The following LAMA2 variants were observed in gnomAD, a reference collection of about 807,000 sequenced individuals.
LAMA2 encodes the protein laminin subunit alpha 2.
In LAMA2, 269 loss-of-function variants were observed where a neutral mutation model predicts 364.8. The ratio of observed to expected loss-of-function variants is 0.74; its 90% CI spans 0.67 to 0.82. The LOEUF is 0.82. Ranked by LOEUF, LAMA2 falls within the 40% of genes least tolerant of loss-of-function variation. The pLI is 0.00. For missense variants in LAMA2, 3,807 were observed against 3,873.2 expected, an observed-to-expected ratio of 0.98 and a Z score of 0.45; for synonymous variants, 1,379 against 1,370.6, an observed-to-expected ratio of 1.01 and a Z score of -0.14.
intron 1 of LAMA2, among the ~76,000 whole-genome samples, chr6:129,045,616 T>A (rs1562184139): frequency 6.6e-6 from 1 of 152,368 alleles, no homozygotes; most frequent in East Asian, 1.9e-4. Flanking sequence ...AGCTTCAGAA[T>A]CAATGTTTCT....
chr6:129,208,868 G>A (rs1562334174), intron 12 of LAMA2, among the ~76,000 whole-genome samples: 2 of 152,138 alleles, frequency 1.3e-5, no homozygotes, highest in Admixed American at 1.3e-4. Context: ...TAATTTTTAG[G>A]GTATTTTGAT....
At chr6:128,989,418 C>T (rs995499908) in intron 1 of LAMA2, among the ~76,000 whole-genome samples, 1 of 152,140 alleles carries the variant, frequency 6.6e-6, no homozygotes, top group African/African-American at 2.4e-5. Flanking sequence ...GAATTACCTG[C>T]CTAGGCTTTG....
At chr6:129,175,243 G>A (rs1365392718) in intron 9 of LAMA2, among the ~76,000 whole-genome samples, 1 of 152,122 alleles carries the variant, frequency 6.6e-6, no homozygotes, top group Non-Finnish European at 1.5e-5. Context: ...TAAGTTAATT[G>A]CCTGTGACTC....
Position 129,291,648 on chromosome 6 carries a change from G to T in LAMA2, c.2784G>T (p.Glu928Asp). Residue 928 changes from glutamate to aspartate, a missense_variant, in exon 20 of 65, where the codon GAG (glutamate) becomes GAT (aspartate). Around this residue, in one of 3 missense-constraint regions of LAMA2, gnomAD observed 3,333 missense variants for 3,345.7 expected, o/e 1.00. Coordinates refer to ENST00000421865, the MANE Select transcript of LAMA2 (RefSeq NM_000426.4). ...GTAATGCCGGTGGCTCTTTCTCTGA[G>T]GTTTGCCACAGTCAAACTGGACAGT... Reference protein sequence around the residue: ...CRCNAGGSFSEVCHSQTGQCE... With the variant: ...CRCNAGGSFSDVCHSQTGQCE... 3 of 1,614,112 alleles carry T rather than the reference G, an allele frequency of 1.9e-6. No homozygotes were observed. The highest frequency in any genetic ancestry group is 2.5e-6 in the Non-Finnish European group (3 of 1,179,974).
chr6:129,512,425 A>T lies in LAMA2; in HGVS notation c.8920A>T (p.Thr2974Ser), dbSNP rs140202046. The change falls in exon 63 of 65, where the codon ACT becomes TCT. Residue 2974 changes from threonine (T) to serine (S), a missense_variant. Thr to Ser is a moderately conservative substitution (Grantham distance 58, BLOSUM62 1). Transcript: ENST00000421865. ...ATTTGAATTCCGCACAACTACAACG[A>T]CTGGAGTTCTTCTGGGGATCAGTAG... ...VEFEFRTTTT[T>S]GVLLGISSQK... The T allele has an allele frequency of 4.5e-5, 72 of 1,613,296 alleles. No individual in the cohort carries two copies. In the African/African-American group the frequency reaches 7.9e-4, roughly 18 times the overall value.
At chr6:129,447,152 G>A (rs1017698475) in intron 45 of LAMA2, among the ~76,000 whole-genome samples, 2 of 152,180 alleles carry the variant, frequency 1.3e-5, no homozygotes, top group African/African-American at 4.8e-5. Flanking sequence ...ACACAAAGAC[G>A]AATAAAGGAG....
At chr6:128,943,269 CAGAGAGAG>C (rs6149801) in intron 1 of LAMA2, among the ~76,000 whole-genome samples, 83,338 of 142,776 alleles carry the variant, frequency 0.58, 26,581 homozygotes, top group East Asian at 0.77. Flanking sequence ...TATATATACA[CAGAGAGAG>C]AGAGAGAGAG....
rs868192729 is a variant in LAMA2 at position 129,232,039 on chromosome 6, T to C, written c.1783-18073T>C. On this transcript the variant is annotated intron_variant, in intron 12 of 64. Coordinates refer to ENST00000421865, the MANE Select transcript of LAMA2 (RefSeq NM_000426.4). ...TAGTGATCACTTATGTCCTTTTGAT[T>C]GAAACTGCATTATACGAAGTTCTTT... Among the ~76,000 whole-genome samples the C allele has an allele frequency of 6.6e-5, 10 of 152,264 alleles. 1 individual carries two copies. The Middle Eastern group carries it at 0.01, about 155-fold the overall frequency.
chr6:129,168,899 T>C lies in LAMA2; in HGVS notation c.1306+3224T>C, dbSNP rs544185582. On this transcript the variant is annotated intron_variant, in intron 9 of 64. Transcript: ENST00000421865. ...CCTTCACATCCCTTGTAAGTTGGAT[T>C]CCTAGGTATTTTATTCTCTTTGAAG... Among the ~76,000 whole-genome samples the C allele has an allele frequency of 2.1e-4, 32 of 149,996 alleles. No homozygotes were observed. In the South Asian group the frequency reaches 6.8e-3, roughly 32 times the overall value.
Position 129,438,720 on chromosome 6 carries a change from A to C in LAMA2, c.6043A>C (p.Thr2015Pro), listed in dbSNP as rs201248317. ...TGCTAGAAATGGGGATCTCTTGAGA[A>C]CTTTGAATGACACTTTGGGAAAGTT... ...ADARNGDLLR[T>P]LNDTLGKLSA... Residue 2015 changes from threonine to proline, a missense_variant, in exon 42 of 65, where the codon ACT becomes CCT. By Grantham distance (38) the Thr-to-Pro change is conservative. Around this residue, in one of 3 missense-constraint regions of LAMA2, gnomAD observed 3,333 missense variants for 3,345.7 expected, o/e 1.00. Transcript: ENST00000421865. 1.9e-6 allele frequency: 3 copies of C among 1,607,586 alleles called. No homozygotes were observed. The Admixed American group carries it at 5.0e-5, about 27-fold the overall frequency.
intron 12 of LAMA2, among the ~76,000 whole-genome samples, chr6:129,215,949 G>A (rs1783399192): frequency 6.6e-6 from 1 of 152,136 alleles, no homozygotes; most frequent in African/African-American, 2.4e-5. Flanking sequence ...TTTTTAAAAA[G>A]TATCATTAGA....
chr6:129,310,044 C>T (rs1459984328), intron 22 of LAMA2, among the ~76,000 whole-genome samples: 1 of 151,142 alleles, frequency 6.6e-6, no homozygotes, highest in Non-Finnish European at 1.5e-5. Flanking sequence ...GGACTACAGG[C>T]GCCCGCTACC....
intron 3 of LAMA2, among the ~76,000 whole-genome samples, chr6:129,078,809 C>T (rs1337196436): frequency 6.6e-6 from 1 of 152,152 alleles, no homozygotes; most frequent in South Asian, 2.1e-4. Context: ...TCTCTCTCCC[C>T]CAGTCCCTGG....
chr6:129,442,696 A>G, intron 43 of LAMA2: 2 of 309,036 alleles, frequency 6.5e-6, no homozygotes, highest in Non-Finnish European at 1.2e-5. Context: ...CACCCTCCAA[A>G]AGAATTCCAT....
chr6:129,033,178 A>T (rs2114737271), intron 1 of LAMA2, among the ~76,000 whole-genome samples: 1 of 152,084 alleles, frequency 6.6e-6, no homozygotes, highest in South Asian at 2.1e-4. Context: ...TAAGAAAATG[A>T]TCCAGGATTA....
At chr6:129,314,825 A>T in intron 24 of LAMA2, 27 bp downstream of exon 24, 1 of 1,612,910 alleles carries the variant, frequency 6.2e-7, no homozygotes, top group Non-Finnish European at 8.5e-7. Context: ...TGAGCCATGT[A>T]ATGGTATAAT....
intron 13 of LAMA2, among the ~76,000 whole-genome samples, chr6:129,250,571 C>A (rs1786106071): frequency 6.6e-6 from 1 of 152,068 alleles, no homozygotes; most frequent in Admixed American, 6.5e-5. Flanking sequence ...TTATTGTCTA[C>A]TCCCTTGTTT....
chr6:128,898,290 G>T (rs1352687143), intron 1 of LAMA2, among the ~76,000 whole-genome samples: 1 of 152,092 alleles, frequency 6.6e-6, no homozygotes, highest in African/African-American at 2.4e-5. Context: ...CTATTTATTT[G>T]ATGTCTTCAC....
At position 129,066,046 on chromosome 6, in the gene LAMA2, T is replaced by TTTTTTTTTTTTTTTC. The variant is rs1562206845; in HGVS notation, c.396+6164_396+6165insCTTTTTTTTTTTTTT. ...AAATTGCCCAGTCTCAGGTTTTTTTTTTTTTTTTTTTTTTTTTGAGACGCA... is the reference window on the plus strand; with the variant it reads ...AAATTGCCCAGTCTCAGGTTTTTTTTTTTTTTTTTTTTTTCTTTTTTTTTTTTTTTTTGAGACGCA... On this transcript the variant is annotated intron_variant, in intron 3 of 64. Coordinates refer to ENST00000421865, the MANE Select transcript of LAMA2 (RefSeq NM_000426.4). Among the ~76,000 whole-genome samples, 514 of 82,744 alleles carry TTTTTTTTTTTTTTTC rather than the reference T, an allele frequency of 6.2e-3. 90 individuals carry two copies. Among genetic ancestry groups the TTTTTTTTTTTTTTTC allele is most frequent in the Admixed American group, 0.036 (249 of 6,878 alleles). 54.3% of individuals were successfully genotyped at this position (82,744 alleles called of 152,430 possible).
Sources: gnomAD v4.1 joint callset for allele counts (sites outside exome capture counted in the v4.1 genomes callset) on GRCh38, gnomAD v4.1.1 for gene constraint, gnomAD v4.1.1 regional missense constraint, MANE v1.5 for transcripts, NCBI Gene and HGNC (gene_info 2026-07-23, HGNC 2026-07-21) for gene names.